Variants in PDS5B observed in about 807,000 individuals in gnomAD.
PDS5B encodes the protein sister chromatid cohesion protein PDS5 homolog B.
Under a neutral mutation model 184.1 loss-of-function variants are expected in PDS5B, and 51 were observed. The ratio of observed to expected loss-of-function variants is 0.28; its 90% CI spans 0.22 to 0.35. The LOEUF (loss-of-function observed/expected upper bound fraction) is 0.35. Ranked by LOEUF, PDS5B falls within the 10% of genes least tolerant of loss-of-function variation. PDS5B has a pLI of 1.00. For missense variants in PDS5B, 1,180 were observed against 1,723.3 expected (o/e 0.68, Z 5.58); for synonymous variants, 566 against 569.2 (o/e 0.99, Z 0.08).
rs200746168 is a variant in PDS5B at position 32,667,744 on chromosome 13, A to G, written c.625-20A>G. 13 of 1,462,770 alleles carry G rather than the reference A, an allele frequency of 8.9e-6. No individual in the cohort carries two copies. In the African/African-American group the frequency reaches 1.8e-4, roughly 21 times the overall value. 90.6% of individuals were successfully genotyped at this position (1,462,770 alleles called of 1,614,324 possible). A position where few individuals can be genotyped will look rare whatever the true frequency, so the allele number is the denominator to read the frequency against. ...TCATAGTTAGAGATATATAATATAG[A>G]TATTGTTTATGTTTTTCAGAATTTA... On this transcript the variant is annotated intron_variant, in intron 6 of 34. Coordinates refer to ENST00000315596, the MANE Select transcript of PDS5B (RefSeq NM_015032.4).
At chr13:32,714,423 G>C (rs1391395490) in intron 19 of PDS5B, among the ~76,000 whole-genome samples, 3 of 151,422 alleles carry the variant, frequency 2.0e-5, no homozygotes, top group African/African-American at 4.9e-5. Context: ...CAGGAGACAG[G>C]GTTTTGAGAT....
chr13:32,750,847 C>CTGTGTG (rs71194534), intron 24 of PDS5B, among the ~76,000 whole-genome samples: 8,027 of 143,364 alleles, frequency 0.056, 253 homozygotes, highest in Non-Finnish European at 0.063. Flanking sequence ...CGGCCTCCCT[C>CTGTGTG]TGTGTGTGTG....
intron 20 of PDS5B, among the ~76,000 whole-genome samples, 165 bp downstream of exon 20, chr13:32,732,389 T>C (rs1000640078): frequency 5.9e-5 from 9 of 152,180 alleles, no homozygotes; most frequent in Non-Finnish European, 1.2e-4. Context: ...TATGAAAATA[T>C]CTGAGTATTC....
intron 1 of PDS5B, among the ~76,000 whole-genome samples, chr13:32,645,971 G>C (rs1950209047): frequency 6.6e-6 from 1 of 150,400 alleles, no homozygotes; most frequent in Non-Finnish European, 1.5e-5. Flanking sequence ...CTTTCACTTT[G>C]ATGTGTGTGT....
chr13:32,706,387 A>G (rs1341636694), intron 17 of PDS5B, among the ~76,000 whole-genome samples: 3 of 152,026 alleles, frequency 2.0e-5, no homozygotes, highest in Non-Finnish European at 2.9e-5. Flanking sequence ...CTTTTGATCT[A>G]TTGTAGTTCC....
intron 3 of PDS5B, among the ~76,000 whole-genome samples, chr13:32,655,666 C>T (rs1030780967): frequency 4.6e-5 from 7 of 151,760 alleles, no homozygotes; most frequent in Non-Finnish European, 7.4e-5. Flanking sequence ...CCACTGCACC[C>T]GGCCTGCCCT....
chr13:32,764,350 C>T (rs1954513836), intron 30 of PDS5B, 139 bp from the exon 31 acceptor site: 1 of 413,090 alleles, frequency 2.4e-6, no homozygotes, highest in Non-Finnish European at 4.3e-6. Context: ...GAGTTGGTAC[C>T]AAATATGGTA....
chr13:32,670,166 T>G (rs1307414197), intron 7 of PDS5B, among the ~76,000 whole-genome samples: 1 of 151,994 alleles, frequency 6.6e-6, no homozygotes, highest in Non-Finnish European at 1.5e-5. Flanking sequence ...TTCTTACATA[T>G]CAAGACTTAA....
At chr13:32,701,211 G>T in intron 16 of PDS5B, 112 bp from the exon 17 acceptor site, 2 of 574,246 alleles carry the variant, frequency 3.5e-6, no homozygotes, top group East Asian at 2.9e-5. Context: ...CTTACAGTTT[G>T]TTTATTCCAG....
chr13:32,750,089 T>C lies in PDS5B; in HGVS notation c.2737-3243T>C, dbSNP rs189300138. Among the ~76,000 whole-genome samples, 11 of 152,332 alleles carry C rather than the reference T, an allele frequency of 7.2e-5. No individual in the cohort carries two copies. In the East Asian group the frequency reaches 1.9e-3, roughly 27 times the overall value. ...TCACATGATTCTCTTGAAGTACCTATGTGTGTGTCATCATTCCTGTTAATT... is the reference window on the plus strand; with the variant it reads ...TCACATGATTCTCTTGAAGTACCTACGTGTGTGTCATCATTCCTGTTAATT... On this transcript the variant is annotated intron_variant, in intron 24 of 34. Coordinates refer to ENST00000315596, the MANE Select transcript of PDS5B (RefSeq NM_015032.4).
intron 14 of PDS5B, among the ~76,000 whole-genome samples, chr13:32,696,484 C>T (rs1951707299): frequency 6.6e-6 from 1 of 151,870 alleles, no homozygotes; most frequent in Admixed American, 6.6e-5. Flanking sequence ...CCATAAGCTT[C>T]ATGACCATGC....
In PDS5B at chr13:32,716,633, G is replaced by A. The variant is rs1228817591; in HGVS notation, c.2123+6527G>A. 1.1e-4 allele frequency among the ~76,000 whole-genome samples: 16 copies of A among 141,128 alleles called. No individual in the cohort carries two copies. In the East Asian group the frequency reaches 2.2e-3, roughly 19 times the overall value. The allele number at this position is 141,128 out of a possible 152,430, so 92.6% of individuals were successfully genotyped here. On this transcript the variant is annotated intron_variant, in intron 19 of 34. Transcript: ENST00000315596. ...AGGGAGGTGGGGGGGTCAGCCCCCC[G>A]CCCGGCCAGCCGCCCCGTTTGGGAG...
chr13:32,773,355 G>A, intron 34 of PDS5B, 31 bp downstream of exon 34: 2 of 1,575,634 alleles, frequency 1.3e-6, no homozygotes, highest in South Asian at 1.2e-5. Context: ...TGAGTGGTGT[G>A]GGATATAAAA....
intron 1 of PDS5B, among the ~76,000 whole-genome samples, chr13:32,635,747 C>T (rs1288224774): frequency 9.4e-5 from 14 of 148,590 alleles, no homozygotes; most frequent in Admixed American, 5.5e-4. Flanking sequence ...CAGTTTGCTC[C>T]GATTTTTTAG....
intron 24 of PDS5B, among the ~76,000 whole-genome samples, chr13:32,751,390 A>AT (rs1953975597): frequency 6.6e-6 from 1 of 152,208 alleles, no homozygotes; most frequent in African/African-American, 2.4e-5. Flanking sequence ...TGGGATTGCT[A>AT]TGTCAAATGG....
intron 26 of PDS5B, among the ~76,000 whole-genome samples, chr13:32,756,452 T>C (rs945400186): frequency 6.6e-6 from 1 of 152,156 alleles, no homozygotes; most frequent in Non-Finnish European, 1.5e-5. Flanking sequence ...CTAACTAGAG[T>C]TTAAAATATT....
rs1458325638 is a variant in PDS5B, at chr13:32,742,672, T to C, written c.2557T>C (p.Leu853=). ...HSKSGTSTLR[L]LTTILHSDGD... ...TAAATCAGGAACTTCTACCTTAAGA[T>C]TGCTAACAACAATATTGCATAGTGA... Residue 853 remains leucine (L), a synonymous_variant, in exon 23 of 35, where the codon TTG becomes CTG. Transcript: ENST00000315596. 6.2e-7 allele frequency: 1 copy of C among 1,612,112 alleles called. No individual in the cohort carries two copies. The highest frequency in any genetic ancestry group is 8.5e-7 in the Non-Finnish European group (1 of 1,178,518).
rs1953534740 is a variant in PDS5B at position 32,741,142 on chromosome 13, G to C, written c.2469G>C (p.Met823Ile). 1 of 1,523,892 alleles carries C rather than the reference G, an allele frequency of 6.6e-7. No homozygotes were observed. The highest frequency in any genetic ancestry group is 2.3e-5 in the East Asian group (1 of 44,280). The allele number at this position is 1,523,892 out of a possible 1,614,324, so 94.4% of individuals were successfully genotyped here. A position where few individuals can be genotyped will look rare whatever the true frequency, so the allele number is the denominator to read the frequency against. ...VPDEEVSPETMVKIQAIKMMV... is the reference protein window; with the variant it reads ...VPDEEVSPETIVKIQAIKMMV... ...ATGAAGAAGTATCTCCTGAGACAAT[G>C]GTCAAAGTGAGTAATGTGCATAGAT... Residue 823 changes from methionine to isoleucine, a missense_variant, in exon 22 of 35, where the codon ATG (methionine) becomes ATC (isoleucine). Around this residue, in one of 11 missense-constraint regions of PDS5B, gnomAD observed 475 missense variants for 691.5 expected, o/e 0.69. Coordinates refer to ENST00000315596, the MANE Select transcript of PDS5B (RefSeq NM_015032.4).
chr13:32,713,332 A>G (rs1238544369), intron 19 of PDS5B, among the ~76,000 whole-genome samples: 2 of 152,246 alleles, frequency 1.3e-5, no homozygotes, highest in Admixed American at 1.3e-4. Context: ...TCAAAGATGA[A>G]TTAACAGAAT....
Sources: allele counts gnomAD v4.1 joint callset (sites outside exome capture counted in the v4.1 genomes callset), GRCh38; gene constraint gnomAD v4.1.1; regional missense constraint gnomAD v4.1.1; transcripts MANE v1.5; gene names NCBI Gene and HGNC (gene_info 2026-07-23, HGNC 2026-07-21).